PPARGC1A: variants seen among roughly 807,000 people sequenced by gnomAD.
The protein encoded by PPARGC1A is peroxisome proliferator-activated receptor gamma coactivator 1-alpha.
A neutral mutation model predicts 88.7 loss-of-function variants in PPARGC1A; 25 were observed. The observed-to-expected ratio is 0.28, with a 90% CI of 0.21 to 0.39. The LOEUF (loss-of-function observed/expected upper bound fraction) is 0.39. PPARGC1A is among the 10% of genes least tolerant of loss of function. PPARGC1A has a pLI of 1.00. For synonymous variants in PPARGC1A, 363 were observed against 355.6 expected (o/e 1.02, Z -0.24); for missense variants, 880 against 968.7 (o/e 0.91, Z 1.22).
the PPARGC1A span, among the ~76,000 whole-genome samples, chr4:24,103,127 C>T: frequency 9.9e-5 from 15 of 152,016 alleles, no homozygotes; most frequent in Non-Finnish European, 2.2e-4. Context: ...ATGATATCAC[C>T]ATCATTCCCA....
the PPARGC1A span, among the ~76,000 whole-genome samples, chr4:24,340,105 A>G: frequency 6.6e-6 from 1 of 152,212 alleles, no homozygotes; most frequent in African/African-American, 2.4e-5. Context: ...ACTAATGTGT[A>G]TTGAGAACAC....
intron 2 of PPARGC1A, among the ~76,000 whole-genome samples, chr4:23,845,758 A>G (rs1361025257): frequency 1.3e-5 from 2 of 152,192 alleles, no homozygotes; most frequent in Admixed American, 6.5e-5. Context: ...GAACAAATAC[A>G]ATATGAGAAG....
At chr4:24,451,334 C>A in the PPARGC1A span, among the ~76,000 whole-genome samples, 1 of 152,120 alleles carries the variant, frequency 6.6e-6, no homozygotes, top group Non-Finnish European at 1.5e-5. Context: ...TCTGACTATC[C>A]CTTTTTAGGC....
chr4:24,306,239 CAG>C, the PPARGC1A span, among the ~76,000 whole-genome samples: 20 of 152,030 alleles, frequency 1.3e-4, no homozygotes, highest in Non-Finnish European at 2.9e-4. Context: ...CTGACACAAA[CAG>C]GGAAAATCAT....
the PPARGC1A span, among the ~76,000 whole-genome samples, chr4:24,050,269 C>T: frequency 6.8e-6 from 1 of 146,278 alleles, no homozygotes; most frequent in African/African-American, 2.5e-5. Context: ...GATCTTGGCT[C>T]ACTGCAACCT....
the PPARGC1A span, among the ~76,000 whole-genome samples, chr4:24,366,111 C>G: frequency 1.9e-3 from 290 of 152,242 alleles, 3 homozygotes; most frequent in Admixed American, 0.016. Flanking sequence ...CAGAAATTAT[C>G]CAGCCAAGAG....
the PPARGC1A span, among the ~76,000 whole-genome samples, chr4:24,025,096 G>A: frequency 2.0e-5 from 3 of 152,276 alleles, no homozygotes; most frequent in Admixed American, 1.3e-4. Flanking sequence ...TTTCTAAACT[G>A]GGAATTTCCT....
chr4:24,207,533 C>T, the PPARGC1A span, among the ~76,000 whole-genome samples: 2,567 of 152,276 alleles, frequency 0.017, 87 homozygotes, highest in African/African-American at 0.058. Context: ...GAAACTTGCT[C>T]ATTTTTAAAC....
the PPARGC1A span, among the ~76,000 whole-genome samples, chr4:23,956,732 C>A: frequency 2.0e-5 from 3 of 152,088 alleles, no homozygotes; most frequent in Non-Finnish European, 4.4e-5. Context: ...GATTTATACC[C>A]ATCTCAGTAG....
the PPARGC1A span, among the ~76,000 whole-genome samples, chr4:24,245,204 G>A: frequency 6.6e-6 from 1 of 152,192 alleles, no homozygotes. Flanking sequence ...TTAGAAACAG[G>A]TAGTTAATGG....
At chr4:24,425,970 T>C in the PPARGC1A span, among the ~76,000 whole-genome samples, 1 of 152,190 alleles carries the variant, frequency 6.6e-6, no homozygotes, top group Non-Finnish European at 1.5e-5. Flanking sequence ...ACAATAAATA[T>C]TTCAAAAAGG....
the PPARGC1A span, among the ~76,000 whole-genome samples, chr4:24,080,768 G>C: frequency 6.6e-6 from 1 of 152,098 alleles, no homozygotes; most frequent in East Asian, 1.9e-4. Context: ...AGGGTTTAGA[G>C]TAGAAATATA....
the PPARGC1A span, among the ~76,000 whole-genome samples, chr4:23,944,238 TA>T: frequency 6.6e-6 from 1 of 152,274 alleles, no homozygotes; most frequent in East Asian, 1.9e-4. Context: ...TCCATAAATC[TA>T]AAAAGATTCT....
chr4:24,131,135 A>G, the PPARGC1A span, among the ~76,000 whole-genome samples: 173 of 152,188 alleles, frequency 1.1e-3, 1 homozygote, highest in African/African-American at 4.0e-3. Flanking sequence ...TGCCATGTCT[A>G]TCTTTAGTAC....
At chr4:24,341,204 CTT>C in the PPARGC1A span, among the ~76,000 whole-genome samples, 2 of 150,014 alleles carry the variant, frequency 1.3e-5, no homozygotes, top group Non-Finnish European at 1.5e-5. Flanking sequence ...CAATTAAAAA[CTT>C]ATATATATAA....
In PPARGC1A at chr4:23,845,537, T is replaced by C. The variant is rs369831128; in HGVS notation, c.235-13786A>G. Among the ~76,000 whole-genome samples, 13 of 152,142 alleles carry C rather than the reference T, an allele frequency of 8.5e-5. No individual in the cohort carries two copies. In the East Asian group the frequency reaches 2.3e-3, roughly 27 times the overall value. The stretch of plus-strand genomic sequence containing the variant: ...ATTGTCTCAAGGTGGTTGGAAGCTA[T>C]TCAGAGGCAGGGTGTCCTTTCTGTG... On this transcript the variant is annotated intron_variant, in intron 2 of 12. Coordinates refer to ENST00000264867, the MANE Select transcript of PPARGC1A (RefSeq NM_013261.5).
chr4:24,033,301 G>A, the PPARGC1A span, among the ~76,000 whole-genome samples: 2 of 152,120 alleles, frequency 1.3e-5, no homozygotes, highest in Non-Finnish European at 2.9e-5. Context: ...TATATACAAA[G>A]TGCTTTAAAC....
chr4:23,942,772 AT>A, the PPARGC1A span, among the ~76,000 whole-genome samples: 1 of 152,182 alleles, frequency 6.6e-6, no homozygotes, highest in East Asian at 1.9e-4. Context: ...TCTGAGTCCA[AT>A]ATTTACATAA....
chr4:23,934,186 G>C, the PPARGC1A span, among the ~76,000 whole-genome samples: 1 of 152,206 alleles, frequency 6.6e-6, no homozygotes, highest in African/African-American at 2.4e-5. Context: ...CTGCTGCCCT[G>C]TCTTGGTGTA....
Sources: allele counts gnomAD v4.1 joint callset (sites outside exome capture counted in the v4.1 genomes callset), GRCh38; gene constraint gnomAD v4.1.1; transcripts MANE v1.5; gene names NCBI Gene and HGNC (gene_info 2026-07-23, HGNC 2026-07-21).